The following POLD2 variants were observed in gnomAD, a reference collection of about 807,000 sequenced individuals.
POLD2 encodes the protein DNA polymerase delta 2, accessory subunit, also known as DNA polymerase delta subunit 2.
In POLD2, 31 loss-of-function variants were observed where a neutral mutation model predicts 48.8. The ratio of observed to expected loss-of-function variants is 0.64; its 90% CI spans 0.48 to 0.86. POLD2 has a LOEUF of 0.86. Ranked by LOEUF, POLD2 falls within the 40% of genes least tolerant of loss-of-function variation. The pLI, the probability that POLD2 is intolerant of heterozygous loss-of-function variation, is 0.00. For missense variants in POLD2, 455 were observed against 610.1 expected (o/e 0.75, Z 2.68); for synonymous variants, 233 against 256.3 (o/e 0.91, Z 0.87).
chr7:44,117,706 T>G lies in POLD2; in HGVS notation c.379A>C (p.Ile127Leu). 1.9e-6 allele frequency: 3 copies of G among 1,613,526 alleles called. No homozygotes were observed. Among genetic ancestry groups the G allele is most frequent in the Non-Finnish European group, 2.5e-6 (3 of 1,179,810 alleles). ...AAGACCAGCTCGTCATCTGGGTGTA[T>G]GTATTTACTCCGAGGAGGCTGGGGG... is the stretch of plus-strand genomic sequence containing the variant. ...LLPQPPRSKYIHPDDELVLED... is the reference protein window; with the variant it reads ...LLPQPPRSKYLHPDDELVLED... The change falls in exon 4 of 11, where the codon ATA becomes CTA. Residue 127 changes from isoleucine (I) to leucine (L), a missense_variant. Ile to Leu is a conservative substitution (Grantham distance 5). Transcript: ENST00000610533.
Position 44,117,681 on chromosome 7 carries a change from A to G in POLD2, c.404T>C (p.Leu135Ser). The G allele has an allele frequency of 6.2e-7, 1 of 1,612,564 alleles. No homozygotes were observed. The highest frequency in any genetic ancestry group is 1.1e-5 in the South Asian group (1 of 90,588). ...KYIHPDDELV[L>S]EDELQRIKLK... The stretch of plus-strand genomic sequence containing the variant: ...TTTGATACGCTGCAGTTCATCTTCC[A>G]AGACCAGCTCGTCATCTGGGTGTAT... Residue 135 changes from leucine to serine, a missense_variant, in exon 4 of 11, where the codon TTG (leucine) becomes TCG (serine). By Grantham distance (145) the Leu-to-Ser change is moderately radical (BLOSUM62 -2). Coordinates refer to ENST00000610533, the MANE Select transcript of POLD2 (RefSeq NM_006230.4).
chr7:44,118,073 C>G lies in POLD2; in HGVS notation c.221-9G>C, dbSNP rs772415602. The G allele has an allele frequency of 3.1e-6, 5 of 1,613,760 alleles. No homozygotes were observed. The highest frequency in any genetic ancestry group is 4.2e-6 in the Non-Finnish European group (5 of 1,179,790). On this transcript the variant is annotated splice_polypyrimidine_tract_variant and intron_variant, in intron 2 of 10. Coordinates refer to ENST00000610533, the MANE Select transcript of POLD2 (RefSeq NM_006230.4). ...CACTCCCACTCCACTGCCTGGGACA[C>G]GAGGGGTACAGACTCAGAGATGAAG... is the stretch of plus-strand genomic sequence containing the variant.
chr7:44,120,438 C>T (rs774622987), intron 2 of POLD2, among the ~76,000 whole-genome samples: 27 of 152,130 alleles, frequency 1.8e-4, no homozygotes, highest in Non-Finnish European at 4.0e-4. Context: ...GAAAAGCTAC[C>T]GGAGCCGCAG....
chr7:44,118,124 TGGAGGC>T (rs1326817983), intron 2 of POLD2, 60 bp from the exon 3 acceptor site: 1 of 1,593,354 alleles, frequency 6.3e-7, no homozygotes, highest in Non-Finnish European at 8.6e-7. Flanking sequence ...ACAGAGGCCA[TGGAGGC>T]CCTGCCCAGC....
intron 3 of POLD2, 94 bp downstream of exon 3, chr7:44,117,849 T>C (rs1172305468): frequency 1.3e-6 from 2 of 1,595,684 alleles, no homozygotes; most frequent in African/African-American, 2.7e-5. Context: ...CCATTGTCTC[T>C]GAACCTGCTT....
rs937897443 is a variant in POLD2, at chr7:44,117,135, A to G, written c.579T>C (p.Asp193=). The change falls in exon 5 of 11, where the codon GAT becomes GAC. Residue 193 remains aspartate (D), a splice_region_variant and synonymous_variant. Coordinates refer to ENST00000610533, the MANE Select transcript of POLD2 (RefSeq NM_006230.4). ...AGCTCCCGAGAACTGCTGCTCACCT[A>G]TCTGTGTCAAGTGGGGGTGCGGGCT... ...PQKPAPPLDT[D]RFVLLVSGLG... is the part of the protein sequence containing the mutation. 3 of 1,613,450 alleles carry G rather than the reference A, an allele frequency of 1.9e-6. No homozygotes were observed. Among genetic ancestry groups the G allele is most frequent in the Non-Finnish European group, 2.5e-6 (3 of 1,179,404 alleles).
At chr7:44,120,697 T>C (rs969973420) in intron 2 of POLD2, among the ~76,000 whole-genome samples, 13 of 152,116 alleles carry the variant, frequency 8.5e-5, no homozygotes, top group African/African-American at 2.9e-4. Context: ...GGTTTAAAAA[T>C]GGTTGGCAGT....
At position 44,122,100 on chromosome 7, in the gene POLD2, A is replaced by G; in HGVS notation, c.-47T>C. 1 of 1,596,676 alleles carries G rather than the reference A, an allele frequency of 6.3e-7. No homozygotes were observed. The highest frequency in any genetic ancestry group is 8.6e-7 in the Non-Finnish European group (1 of 1,168,932). On this transcript the variant is annotated 5_prime_UTR_variant, in exon 2 of 11. Coordinates refer to ENST00000610533, the MANE Select transcript of POLD2 (RefSeq NM_006230.4). Reference sequence around the variant, plus strand: ...GGTCCACACAGCTTCGCCCAGGCCAAGGAGGTTCACTGCGAAAACACAAAG... The same window carrying G: ...GGTCCACACAGCTTCGCCCAGGCCAGGGAGGTTCACTGCGAAAACACAAAG...
intron 9 of POLD2, 179 bp from the exon 10 acceptor site, chr7:44,115,575 TG>T: frequency 1.3e-6 from 1 of 741,308 alleles, no homozygotes; most frequent in Non-Finnish European, 2.2e-6. Context: ...CCCGTTGGGG[TG>T]GGCAGCCATT....
rs1480174444 is a variant in POLD2 at position 44,116,770 on chromosome 7, T to C, written c.780+47A>G. 1.3e-6 allele frequency: 2 copies of C among 1,596,110 alleles called. No individual in the cohort carries two copies. The highest frequency in any genetic ancestry group is 1.7e-6 in the Non-Finnish European group (2 of 1,166,696). ...CTGGGGAAGGAGGGTCTTACAGGCT[T>C]GCAGGCTCCTGGGCTGGGGCTGAAT... On this transcript the variant is annotated intron_variant, in intron 6 of 10. Transcript: ENST00000610533. This position sits in a 1 kb window ranked among gnomAD's most constrained non-coding sequence, Gnocchi z 6.1.
At chr7:44,123,608 C>T, upstream of POLD2, 9 of 1,428,594 alleles carry the variant, frequency 6.3e-6, no homozygotes, top group Non-Finnish European at 8.2e-6. Flanking sequence ...ATCGCCTAAT[C>T]TCACCAATCG....
intron 9 of POLD2, 112 bp downstream of exon 9, chr7:44,115,654 C>T: frequency 2.5e-6 from 3 of 1,211,940 alleles, no homozygotes; most frequent in Non-Finnish European, 3.5e-6. Flanking sequence ...TCTCCTCAGA[C>T]AGTTCTCAGC....
Position 44,116,336 on chromosome 7 carries a change from C to G in POLD2, c.862-64G>C. The G allele has an allele frequency of 6.3e-7, 1 of 1,598,184 alleles. No homozygotes were observed. Among genetic ancestry groups the G allele is most frequent in the Non-Finnish European group, 8.5e-7 (1 of 1,169,896 alleles). ...AAGGAGCCCCCTACACCAACTCCGG[C>G]CACTCCCCCTGCCCTCCTGCCTGCC... On this transcript the variant is annotated intron_variant, in intron 7 of 10. Coordinates refer to ENST00000610533, the MANE Select transcript of POLD2 (RefSeq NM_006230.4). The surrounding 1 kb of genome is among the most constrained non-coding windows in gnomAD (Gnocchi z 6.1).
In POLD2 at chr7:44,116,958, C is replaced by T. The variant is rs1282434750; in HGVS notation, c.639G>A (p.Leu213=). ...GLGGGGGESL[L]GTQLLVDVVT... The stretch of plus-strand genomic sequence containing the variant: ...CCACATCCACCAGCAGCTGGGTGCC[C>T]AGCAGGCTCTCGCCTCCACCGCCAC... The change falls in exon 6 of 11, where the codon CTG becomes CTA. Residue 213 remains leucine, a synonymous_variant. Transcript: ENST00000610533. This position sits in a 1 kb window ranked among gnomAD's most constrained non-coding sequence, Gnocchi z 6.1. 2 of 1,613,582 alleles carry T rather than the reference C, an allele frequency of 1.2e-6. No individual in the cohort carries two copies. The highest frequency in any genetic ancestry group is 1.7e-6 in the Non-Finnish European group (2 of 1,179,992).
In POLD2 at chr7:44,123,509, A is replaced by C; in HGVS notation, c.-57+2T>G. ...GACCCCGTTTCCCTGGACCCCACTC[A>C]CCGCGCGGCGCGCCGCATCCCGCCA... On this transcript the variant is annotated splice_donor_variant, in intron 1 of 10. Transcript: ENST00000610533. LOFTEE classifies it low-confidence loss of function (5UTR_SPLICE). 3 of 1,481,298 alleles carry C rather than the reference A, an allele frequency of 2.0e-6. No individual in the cohort carries two copies. Among genetic ancestry groups the C allele is most frequent in the Non-Finnish European group, 1.8e-6 (2 of 1,123,860 alleles). The allele number at this position is 1,481,298 out of a possible 1,614,324, so 91.8% of individuals were successfully genotyped here.
At chr7:44,123,388 G>A (rs2096250972) in intron 1 of POLD2, 123 bp downstream of exon 1, 2 of 1,425,508 alleles carry the variant, frequency 1.4e-6, no homozygotes, top group Non-Finnish European at 1.8e-6. Flanking sequence ...GGGTGCCCCG[G>A]CTCGGATCCA....
intron 4 of POLD2, 158 bp from the exon 5 acceptor site, chr7:44,117,405 C>T (rs2096241867): frequency 1.4e-6 from 1 of 725,648 alleles, no homozygotes; most frequent in Non-Finnish European, 2.3e-6. Flanking sequence ...AGTCACTGCC[C>T]TTGGATGGAG....
chr7:44,123,501 C>T lies in POLD2; in HGVS notation c.-57+10G>A, dbSNP rs373203374. 30 of 1,489,926 alleles carry T rather than the reference C, an allele frequency of 2.0e-5. No homozygotes were observed. Among genetic ancestry groups the T allele is most frequent in the East Asian group, 1.7e-4 (6 of 34,824 alleles). The allele number at this position is 1,489,926 out of a possible 1,614,324, so 92.3% of individuals were successfully genotyped here. A position where few individuals can be genotyped will look rare whatever the true frequency, so the allele number is the denominator to read the frequency against. On this transcript the variant is annotated intron_variant, in intron 1 of 10. Coordinates refer to ENST00000610533, the MANE Select transcript of POLD2 (RefSeq NM_006230.4). ...CCCCAGCTGACCCCGTTTCCCTGGA[C>T]CCCACTCACCGCGCGGCGCGCCGCA... is the stretch of plus-strand genomic sequence containing the variant.
Position 44,117,710 on chromosome 7 carries a change from T to C in POLD2, c.375A>G (p.Lys125=). 6.2e-7 allele frequency: 1 copy of C among 1,613,638 alleles called. No individual in the cohort carries two copies. Residue 125 remains lysine (K), a synonymous_variant, in exon 4 of 11, where the codon AAA becomes AAG. Coordinates refer to ENST00000610533, the MANE Select transcript of POLD2 (RefSeq NM_006230.4). ...CCAGCTCGTCATCTGGGTGTATGTA[T>C]TTACTCCGAGGAGGCTGGGGGAGCA... is the stretch of plus-strand genomic sequence containing the variant. The part of the protein sequence containing the change: ...HNLLPQPPRS[K]YIHPDDELVL...
Sources: gnomAD v4.1 joint callset for allele counts (sites outside exome capture counted in the v4.1 genomes callset) on GRCh38, gnomAD v4.1.1 for gene constraint, Gnocchi (gnomAD v3.1) non-coding constraint, MANE v1.5 for transcripts, NCBI Gene and HGNC (gene_info 2026-07-23, HGNC 2026-07-21) for gene names.